Variants in BCKDHB observed in about 807,000 individuals in gnomAD.
BCKDHB encodes branched chain keto acid dehydrogenase E1 subunit beta.
BCKDHB carries 41 observed loss-of-function variants against 48.5 expected under a neutral mutation model. That is an observed-to-expected ratio of 0.85 (90% CI 0.66 to 1.10). The LOEUF is 1.10. Ranked by LOEUF, BCKDHB falls within the 50% of genes least tolerant of loss-of-function variation. The pLI is 0.00. For synonymous variants in BCKDHB, 201 were observed against 174.8 expected (o/e 1.15, Z -1.18); for missense variants, 496 against 494.2 (o/e 1.00, Z -0.03).
At chr6:80,169,122 A>G in intron 5 of BCKDHB, 92 bp downstream of exon 5, 2 of 1,497,936 alleles carry the variant, frequency 1.3e-6, no homozygotes, top group South Asian at 2.3e-5. Context: ...AGAGGAAAGA[A>G]AACAAACAGG....
chr6:80,409,352 T>G, the BCKDHB span, among the ~76,000 whole-genome samples: 1 of 151,244 alleles, frequency 6.6e-6, no homozygotes, highest in Non-Finnish European at 1.5e-5. Flanking sequence ...GAATGTATAT[T>G]CTGTTGATTT....
intron 9 of BCKDHB, among the ~76,000 whole-genome samples, chr6:80,313,451 C>T (rs1011696328): frequency 6.6e-6 from 1 of 152,164 alleles, no homozygotes; most frequent in Non-Finnish European, 1.5e-5. Flanking sequence ...ACCTCTGCCT[C>T]CTGGGTTCAA....
At chr6:80,315,989 C>A (rs1000838440) in intron 9 of BCKDHB, among the ~76,000 whole-genome samples, 1 of 152,170 alleles carries the variant, frequency 6.6e-6, no homozygotes, top group East Asian at 1.9e-4. Flanking sequence ...AAGAAAAATG[C>A]TGTATCAGTT....
At chr6:80,394,583 G>A in the BCKDHB span, among the ~76,000 whole-genome samples, 1 of 152,096 alleles carries the variant, frequency 6.6e-6, no homozygotes, top group Non-Finnish European at 1.5e-5. Context: ...GGCCACTTAA[G>A]ACTGATTGGG....
At chr6:80,283,775 G>C (rs1266192230) in intron 9 of BCKDHB, among the ~76,000 whole-genome samples, 1 of 151,932 alleles carries the variant, frequency 6.6e-6, no homozygotes, top group African/African-American at 2.4e-5. Flanking sequence ...TGAAATGATT[G>C]TATTTCAGTA....
At chr6:80,350,321 C>T (rs987047125), downstream of BCKDHB, among the ~76,000 whole-genome samples, 10 of 150,256 alleles carry the variant, frequency 6.7e-5, no homozygotes, top group African/African-American at 2.2e-4. Flanking sequence ...GCAAGAAAAA[C>T]GAAAAATAAA....
chr6:80,187,656 G>A (rs898404233), intron 6 of BCKDHB, among the ~76,000 whole-genome samples: 1 of 152,088 alleles, frequency 6.6e-6, no homozygotes, highest in Non-Finnish European at 1.5e-5. Context: ...AAGCAAAAAA[G>A]TGGGCAAAGG....
At chr6:80,325,489 G>C (rs989223453) in intron 9 of BCKDHB, among the ~76,000 whole-genome samples, 17 of 152,200 alleles carry the variant, frequency 1.1e-4, no homozygotes, top group Non-Finnish European at 2.2e-4. Flanking sequence ...CCTGCAAAAT[G>C]ACATTAGCAG....
intron 1 of BCKDHB, among the ~76,000 whole-genome samples, chr6:80,115,752 T>A (rs929867037): frequency 1.3e-5 from 2 of 151,660 alleles, no homozygotes; most frequent in Non-Finnish European, 2.9e-5. Context: ...TTCTCCTGCC[T>A]CAGCCTCCCA....
At chr6:80,261,199 C>T (rs1777286120) in intron 8 of BCKDHB, among the ~76,000 whole-genome samples, 1 of 152,146 alleles carries the variant, frequency 6.6e-6, no homozygotes. Context: ...GAAGATGAAC[C>T]TCCTTTTCTT....
chr6:80,213,268 C>T (rs1775020760), intron 8 of BCKDHB, among the ~76,000 whole-genome samples: 1 of 152,006 alleles, frequency 6.6e-6, no homozygotes, highest in African/African-American at 2.4e-5. Context: ...TTTGACCTTG[C>T]ATTTGACTTT....
At chr6:80,451,046 T>C in the BCKDHB span, among the ~76,000 whole-genome samples, 1 of 152,146 alleles carries the variant, frequency 6.6e-6, no homozygotes, top group Admixed American at 6.5e-5. Flanking sequence ...TTTAGAGACT[T>C]CTTGTAGCCA....
At chr6:80,342,579 AGAAAG>A (rs796228651) in intron 9 of BCKDHB, among the ~76,000 whole-genome samples, 11 of 132,458 alleles carry the variant, frequency 8.3e-5, no homozygotes, top group South Asian at 4.4e-4. Flanking sequence ...AAAAAAAAAA[AGAAAG>A]GGAAGAAAGG....
chr6:80,171,011 AT>A (rs1203222722), intron 5 of BCKDHB, among the ~76,000 whole-genome samples: 2 of 151,878 alleles, frequency 1.3e-5, no homozygotes, highest in Admixed American at 6.6e-5. Flanking sequence ...TATTCTTTTT[AT>A]TTTTTTTATA....
At chr6:80,184,598 C>T (rs1281046686) in intron 6 of BCKDHB, among the ~76,000 whole-genome samples, 6 of 151,976 alleles carry the variant, frequency 3.9e-5, no homozygotes, top group Admixed American at 3.9e-4. Context: ...AGATTTAGAA[C>T]TCCTTTTAGA....
In BCKDHB at chr6:80,106,692, G is replaced by T; in HGVS notation, c.-2G>T. On this transcript the variant is annotated 5_prime_UTR_variant, in exon 1 of 10. Transcript: ENST00000320393. ...GCCTGAGAATCCCGGTGGTGAGCGGGGATGGCGGTTGTAGCGGCGGCTGCC... is the reference window on the plus strand; with the variant it reads ...GCCTGAGAATCCCGGTGGTGAGCGGTGATGGCGGTTGTAGCGGCGGCTGCC... 2 of 1,554,756 alleles carry T rather than the reference G, an allele frequency of 1.3e-6. No individual in the cohort carries two copies.
intron 8 of BCKDHB, among the ~76,000 whole-genome samples, chr6:80,213,531 C>T (rs1775034503): frequency 6.6e-6 from 1 of 152,088 alleles, no homozygotes; most frequent in Admixed American, 6.6e-5. Context: ...AGCCACTGTG[C>T]ACTGCTTTAG....
At chr6:80,278,257 T>C (rs1167357355) in intron 9 of BCKDHB, among the ~76,000 whole-genome samples, 1 of 152,172 alleles carries the variant, frequency 6.6e-6, no homozygotes, top group African/African-American at 2.4e-5. Flanking sequence ...ACTTCTGTAC[T>C]AAAAGATGGA....
intron 9 of BCKDHB, among the ~76,000 whole-genome samples, chr6:80,327,904 C>G (rs114941802): frequency 9.3e-6 from 1 of 107,450 alleles, no homozygotes; most frequent in Non-Finnish European, 1.8e-5. Flanking sequence ...CTCCCCTTTT[C>G]TCCCCTCCCT....
Sources: allele counts gnomAD v4.1 joint callset (sites outside exome capture counted in the v4.1 genomes callset), GRCh38; gene constraint gnomAD v4.1.1; transcripts MANE v1.5; gene names NCBI Gene and HGNC (gene_info 2026-07-23, HGNC 2026-07-21).